RSPO2: variants seen among roughly 807,000 people sequenced by gnomAD.
RSPO2 encodes the protein R-spondin 2.
In RSPO2, 14 loss-of-function variants were observed where a neutral mutation model predicts 30.9. That is an observed-to-expected ratio of 0.45 (90% confidence interval 0.30 to 0.71). The LOEUF (loss-of-function observed/expected upper bound fraction) is 0.71, where lower values mean the gene tolerates loss of function less well. Among genes scored for constraint, RSPO2 ranks in the 30% least tolerant of loss-of-function variants. The pLI is 0.08. For missense variants in RSPO2, 264 were observed against 301.9 expected (o/e 0.87, Z 0.93); for synonymous variants, 107 against 96.4 (o/e 1.11, Z -0.64).
At chr8:107,939,709 C>T (rs1236188380) in intron 5 of RSPO2, among the ~76,000 whole-genome samples, 1 of 151,866 alleles carries the variant, frequency 6.6e-6, no homozygotes, top group African/African-American at 2.4e-5. Context: ...AAGTTAAATG[C>T]CAAGCGTTTT....
chr8:107,982,122 G>A (rs1230932473), intron 3 of RSPO2, among the ~76,000 whole-genome samples: 4 of 151,038 alleles, frequency 2.6e-5, no homozygotes, highest in Non-Finnish European at 5.9e-5. Context: ...AACAAGGGTA[G>A]AATCATAAAA....
intron 5 of RSPO2, among the ~76,000 whole-genome samples, chr8:107,925,925 T>C (rs1413953452): frequency 3.9e-5 from 6 of 152,174 alleles, no homozygotes; most frequent in Admixed American, 1.3e-4. Flanking sequence ...TACCTAGTAA[T>C]GAGATGGCTG....
intron 2 of RSPO2, among the ~76,000 whole-genome samples, chr8:108,044,883 G>A (rs977123845): frequency 6.6e-6 from 1 of 152,052 alleles, no homozygotes; most frequent in Non-Finnish European, 1.5e-5. Context: ...ATATGCAGAA[G>A]GATGAAACTG....
intron 2 of RSPO2, among the ~76,000 whole-genome samples, chr8:108,080,658 C>T (rs926062704): frequency 6.6e-6 from 1 of 152,218 alleles, no homozygotes; most frequent in Admixed American, 6.5e-5. Context: ...AACAGCATCT[C>T]TGCATTAAGT....
Position 107,966,546 on chromosome 8 carries a change from G to A in RSPO2, c.284-5729C>T, listed in dbSNP as rs569503737. 6.6e-5 allele frequency among the ~76,000 whole-genome samples: 10 copies of A among 152,290 alleles called. No homozygotes were observed. In the South Asian group the frequency reaches 2.1e-3, roughly 32 times the overall value. On this transcript the variant is annotated intron_variant, in intron 3 of 5. Coordinates refer to ENST00000276659, the MANE Select transcript of RSPO2 (RefSeq NM_178565.5). ...CCATTGGTAGGCTCAACAATCCGGGGAGTGGAGTTATAATGAATCCATAAA... is the reference window on the plus strand; with the variant it reads ...CCATTGGTAGGCTCAACAATCCGGGAAGTGGAGTTATAATGAATCCATAAA...
chr8:107,902,175 G>A (rs759480191), intron 5 of RSPO2, among the ~76,000 whole-genome samples: 2 of 152,080 alleles, frequency 1.3e-5, no homozygotes, highest in Non-Finnish European at 2.9e-5. Flanking sequence ...GGGCTTTAAA[G>A]GTCTCCTGCA....
intron 5 of RSPO2, among the ~76,000 whole-genome samples, chr8:107,923,885 A>C (rs1812268928): frequency 6.6e-6 from 1 of 152,076 alleles, no homozygotes; most frequent in Non-Finnish European, 1.5e-5. Flanking sequence ...GTGGGAGCTA[A>C]ATGATGAACA....
intron 2 of RSPO2, among the ~76,000 whole-genome samples, chr8:108,020,628 T>C (rs1212591953): frequency 6.6e-6 from 1 of 152,236 alleles, no homozygotes; most frequent in Non-Finnish European, 1.5e-5. Flanking sequence ...CTCTTTTTCA[T>C]ACATCTGTTT....
intron 2 of RSPO2, among the ~76,000 whole-genome samples, chr8:108,061,945 T>C (rs938783992): frequency 1.4e-5 from 2 of 146,792 alleles, no homozygotes; most frequent in African/African-American, 5.1e-5. Flanking sequence ...ACTGGGTACA[T>C]AACGAAATGA....
intron 2 of RSPO2, among the ~76,000 whole-genome samples, chr8:108,024,949 G>A (rs949265503): frequency 6.6e-6 from 1 of 152,100 alleles, no homozygotes; most frequent in Non-Finnish European, 1.5e-5. Flanking sequence ...GAGCCCAGGA[G>A]GCAGAGGGGC....
At chr8:107,946,357 C>T (rs1813057511) in intron 5 of RSPO2, among the ~76,000 whole-genome samples, 1 of 152,188 alleles carries the variant, frequency 6.6e-6, no homozygotes, top group Non-Finnish European at 1.5e-5. Flanking sequence ...GACTGCAAGC[C>T]TGAGTAACTA....
intron 2 of RSPO2, among the ~76,000 whole-genome samples, chr8:108,005,950 T>C (rs886604294): frequency 2.0e-5 from 3 of 152,150 alleles, no homozygotes; most frequent in Non-Finnish European, 4.4e-5. Flanking sequence ...TTCACATAAA[T>C]AGCAAAAACG....
intron 3 of RSPO2, among the ~76,000 whole-genome samples, chr8:107,980,676 A>G (rs1814397080): frequency 6.6e-6 from 1 of 152,058 alleles, no homozygotes; most frequent in Admixed American, 6.6e-5. Context: ...TTCACCCCTC[A>G]TGCTCATGCA....
chr8:108,065,761 G>A (rs1235894367), intron 2 of RSPO2, among the ~76,000 whole-genome samples: 1 of 152,156 alleles, frequency 6.6e-6, no homozygotes, highest in Non-Finnish European at 1.5e-5. Flanking sequence ...CAGCAGGCTG[G>A]GCGTGGTAGC....
intron 2 of RSPO2, among the ~76,000 whole-genome samples, chr8:108,049,436 T>C (rs1812013353): frequency 1.3e-5 from 2 of 151,854 alleles, no homozygotes; most frequent in African/African-American, 2.4e-5. Flanking sequence ...GTGCAGAACA[T>C]GCAGGTTTGT....
intron 2 of RSPO2, among the ~76,000 whole-genome samples, chr8:108,007,329 G>A (rs1167393043): frequency 6.6e-6 from 1 of 152,096 alleles, no homozygotes; most frequent in African/African-American, 2.4e-5. Flanking sequence ...ACTTAATTCA[G>A]ACAGAGATCA....
At chr8:108,023,876 T>C (rs1473746189) in intron 2 of RSPO2, among the ~76,000 whole-genome samples, 1 of 152,028 alleles carries the variant, frequency 6.6e-6, no homozygotes, top group South Asian at 2.1e-4. Context: ...TTATGCAGAG[T>C]TGTGTCTCAA....
At chr8:108,069,307 G>A (rs142662627) in intron 2 of RSPO2, among the ~76,000 whole-genome samples, 12 of 152,070 alleles carry the variant, frequency 7.9e-5, no homozygotes, top group Admixed American at 4.6e-4. Context: ...TCCGCCTCCC[G>A]GGTTCAAGTG....
At chr8:108,020,264 C>G (rs773995609) in intron 2 of RSPO2, among the ~76,000 whole-genome samples, 1 of 152,124 alleles carries the variant, frequency 6.6e-6, no homozygotes, top group African/African-American at 2.4e-5. Flanking sequence ...CTCTCTTCTG[C>G]ATTTTTATCA....
Sources: gnomAD v4.1 joint callset for allele counts (sites outside exome capture counted in the v4.1 genomes callset) on GRCh38, gnomAD v4.1.1 for gene constraint, MANE v1.5 for transcripts, NCBI Gene and HGNC (gene_info 2026-07-23, HGNC 2026-07-21) for gene names.